The following UNC5C variants were observed in gnomAD, a reference collection of about 807,000 sequenced individuals.
UNC5C encodes netrin receptor UNC5C.
Under a neutral mutation model 99.8 loss-of-function variants are expected in UNC5C, and 47 were observed. The observed-to-expected ratio is 0.47, with a 90% CI of 0.37 to 0.60. UNC5C has a LOEUF of 0.60. Ranked by LOEUF, UNC5C falls within the 20% of genes least tolerant of loss-of-function variation. UNC5C has a pLI of 0.00. For synonymous variants in UNC5C, 487 were observed against 452.2 expected (o/e 1.08, Z -0.98); for missense variants, 1,062 against 1,165.9 (o/e 0.91, Z 1.30).
chr4:95,326,777 TAAAATAA>T lies in UNC5C; in HGVS notation c.346+8626_346+8632del, dbSNP rs542166506. 3.1e-3 allele frequency among the ~76,000 whole-genome samples: 473 copies of T among 152,314 alleles called. 5 individuals are homozygous for T. The highest frequency in any genetic ancestry group is 4.3e-3 in the Non-Finnish European group (293 of 68,010). On this transcript the variant is annotated intron_variant, in intron 2 of 15. Transcript: ENST00000453304. Reference sequence around the variant, plus strand: ...CTTCCTATTTAATGATTTCATAATTTAAAATAAAATTTTATGAGTTGGAGAATAAATT... The same window carrying T: ...CTTCCTATTTAATGATTTCATAATTTAATTTTATGAGTTGGAGAATAAATT...
intron 4 of UNC5C, 123 bp from the exon 5 acceptor site, chr4:95,250,790 G>T: frequency 2.1e-6 from 2 of 957,236 alleles, no homozygotes; most frequent in Non-Finnish European, 3.1e-6. Context: ...CCTGTGTTTT[G>T]TAATATGTAC....
chr4:95,273,821 G>A (rs1331738929), intron 4 of UNC5C, among the ~76,000 whole-genome samples: 1 of 152,006 alleles, frequency 6.6e-6, no homozygotes, highest in Non-Finnish European at 1.5e-5. Context: ...CTTGGTTCCT[G>A]GTCCTAGTGG....
intron 1 of UNC5C, among the ~76,000 whole-genome samples, chr4:95,429,251 C>T (rs915947551): frequency 1.4e-4 from 20 of 147,240 alleles, no homozygotes; most frequent in Admixed American, 4.1e-4. Context: ...CATTTCAGAT[C>T]TTCCCTTTAA....
At chr4:95,359,449 G>T (rs2149433904) in intron 1 of UNC5C, among the ~76,000 whole-genome samples, 1 of 150,826 alleles carries the variant, frequency 6.6e-6, no homozygotes, top group African/African-American at 2.4e-5. Flanking sequence ...CTAGAGAAGT[G>T]TTTTCTCAGT....
At position 95,335,457 on chromosome 4, in the gene UNC5C, A is replaced by T. The variant is rs1743297911; in HGVS notation, c.299T>A (p.Val100Asp). Residue 100 changes from valine (V) to aspartate (D), a missense_variant, in exon 2 of 16, where the codon GTT (valine) becomes GAT (aspartate). Coordinates refer to ENST00000453304, the MANE Select transcript of UNC5C (RefSeq NM_003728.4). ...ATCTACTATGTGGTCCTTCTGATGA[A>T]CCCATTCACTATTACACTTGAAATA... The part of the protein sequence containing the change: ...QIYFKCNSEW[V>D]HQKDHIVDER... The T allele has an allele frequency of 6.2e-7, 1 of 1,612,182 alleles. No homozygotes were observed. Among genetic ancestry groups the T allele is most frequent in the African/African-American group, 1.3e-5 (1 of 74,794 alleles).
chr4:95,477,963 A>T (rs1169183499), intron 1 of UNC5C, among the ~76,000 whole-genome samples: 2 of 151,978 alleles, frequency 1.3e-5, no homozygotes, highest in Non-Finnish European at 2.9e-5. Context: ...TGACATGCAA[A>T]TTAAATAAGT....
chr4:95,310,938 A>T (rs970884592), intron 2 of UNC5C, among the ~76,000 whole-genome samples: 9 of 152,176 alleles, frequency 5.9e-5, no homozygotes, highest in African/African-American at 1.7e-4. Context: ...TTACTCTGGC[A>T]ATCATAACAC....
At chr4:95,217,125 A>T (rs927555716) in intron 9 of UNC5C, among the ~76,000 whole-genome samples, 1 of 152,204 alleles carries the variant, frequency 6.6e-6, no homozygotes, top group Non-Finnish European at 1.5e-5. Flanking sequence ...CATCCTTGTG[A>T]GTACAGTGTT....
At position 95,512,516 on chromosome 4, in the gene UNC5C, A is replaced by G. The variant is rs181656982; in HGVS notation, c.124+36218T>C. On this transcript the variant is annotated intron_variant, in intron 1 of 15. Coordinates refer to ENST00000453304, the MANE Select transcript of UNC5C (RefSeq NM_003728.4). ...TTCATGTATAAAATAAAGCAATGAG[A>G]GGCCTTCACCTTTCATTCTGCCAAT... Among the ~76,000 whole-genome samples, 32 of 152,294 alleles carry G rather than the reference A, an allele frequency of 2.1e-4. No individual in the cohort carries two copies. The East Asian group carries it at 6.0e-3, about 29-fold the overall frequency.
intron 1 of UNC5C, among the ~76,000 whole-genome samples, chr4:95,384,699 G>C (rs909798630): frequency 2.0e-5 from 3 of 152,140 alleles, no homozygotes; most frequent in Admixed American, 6.6e-5. Context: ...AAATGACTAT[G>C]CTGTAGGATA....
rs1434412832 is a variant in UNC5C at position 95,467,544 on chromosome 4, T to C, written c.124+81190A>G. On this transcript the variant is annotated intron_variant, in intron 1 of 15. Transcript: ENST00000453304. ...ATTTTCTGTAGTTAATGAAAATTAC[T>C]ACATGGATTCCAAAGATAAGAAATA... 2.0e-5 allele frequency among the ~76,000 whole-genome samples: 3 copies of C among 152,330 alleles called. No individual in the cohort carries two copies. In the East Asian group the frequency reaches 5.8e-4, roughly 29 times the overall value.
intron 1 of UNC5C, among the ~76,000 whole-genome samples, chr4:95,431,107 C>A (rs1374822530): frequency 1.3e-5 from 2 of 152,034 alleles, no homozygotes; most frequent in African/African-American, 4.8e-5. Flanking sequence ...CCCTCTCATA[C>A]CCCATGCACT....
intron 3 of UNC5C, among the ~76,000 whole-genome samples, chr4:95,297,306 A>G (rs1285473374): frequency 6.6e-6 from 1 of 152,178 alleles, no homozygotes; most frequent in South Asian, 2.1e-4. Flanking sequence ...GTATGACTCC[A>G]TTTCACAGTA....
At chr4:95,328,946 C>A (rs371468740) in intron 2 of UNC5C, among the ~76,000 whole-genome samples, 12 of 152,150 alleles carry the variant, frequency 7.9e-5, no homozygotes, top group Non-Finnish European at 1.3e-4. Flanking sequence ...CATGCTCCCC[C>A]TCTCGAAAGC....
At chr4:95,190,807 C>T (rs1164985394) in intron 12 of UNC5C, among the ~76,000 whole-genome samples, 1 of 152,214 alleles carries the variant, frequency 6.6e-6, no homozygotes, top group Non-Finnish European at 1.5e-5. Flanking sequence ...GGGAGGGCCT[C>T]TTTCCCCACT....
intron 1 of UNC5C, among the ~76,000 whole-genome samples, chr4:95,475,749 A>G (rs1276988485): frequency 3.2e-4 from 49 of 152,102 alleles, no homozygotes; most frequent in Admixed American, 3.2e-3. Context: ...TAAACATCAC[A>G]TGTCAGCTTT....
intron 1 of UNC5C, among the ~76,000 whole-genome samples, chr4:95,367,466 A>C (rs1744609656): frequency 6.6e-6 from 1 of 152,086 alleles, no homozygotes. Flanking sequence ...GGCGTGAGCC[A>C]CCGTACTGGC....
chr4:95,490,870 T>C (rs1357826826), intron 1 of UNC5C, among the ~76,000 whole-genome samples: 1 of 151,698 alleles, frequency 6.6e-6, no homozygotes, highest in Non-Finnish European at 1.5e-5. Context: ...GCCAGGCAGG[T>C]CTCGTTTCAT....
At chr4:95,458,901 C>T (rs1011215943) in intron 1 of UNC5C, among the ~76,000 whole-genome samples, 4 of 151,658 alleles carry the variant, frequency 2.6e-5, no homozygotes, top group Admixed American at 2.6e-4. Context: ...TTTAACTTAC[C>T]CCAAGCCTTA....
Sources: gnomAD v4.1 joint callset for allele counts (sites outside exome capture counted in the v4.1 genomes callset) on GRCh38, gnomAD v4.1.1 for gene constraint, MANE v1.5 for transcripts, NCBI Gene and HGNC (gene_info 2026-07-23, HGNC 2026-07-21) for gene names.